BCKDK: variants seen among roughly 807,000 people sequenced by gnomAD.
The protein encoded by BCKDK is branched chain keto acid dehydrogenase kinase.
BCKDK carries 28 observed loss-of-function variants against 43.9 expected under a neutral mutation model. That is an observed-to-expected ratio of 0.64 (90% CI 0.47 to 0.87). The LOEUF (loss-of-function observed/expected upper bound fraction) is 0.87. Among genes scored for constraint, BCKDK ranks in the 40% least tolerant of loss-of-function variants. The pLI, the probability that BCKDK is intolerant of heterozygous loss-of-function variation, is 0.00. For synonymous variants in BCKDK, 257 were observed against 234.3 expected, an observed-to-expected ratio of 1.10 and a Z score of -0.88; for missense variants, 483 against 581.4, an observed-to-expected ratio of 0.83 and a Z score of 1.74.
chr16:31,109,362 T>A lies in BCKDK; in HGVS notation c.139T>A (p.Ser47Thr). ...CCACGTGGAGATGGCTCGGGAGCGC[T>A]CCAAGACCGTCACCTCCTTTTACAA... ...THHVEMARER[S>T]KTVTSFYNQS... is the part of the protein sequence containing the mutation. The change falls in exon 2 of 12, where the codon TCC becomes ACC. Residue 47 changes from serine (S) to threonine (T), a missense_variant. Ser to Thr is a moderately conservative substitution (Grantham distance 58). Transcript: ENST00000219794. The surrounding 1 kb of genome is among the most constrained non-coding windows in gnomAD (Gnocchi z 5.3). 6.2e-7 allele frequency: 1 copy of A among 1,608,140 alleles called. No individual in the cohort carries two copies. Among genetic ancestry groups the A allele is most frequent in the African/African-American group, 1.3e-5 (1 of 74,616 alleles).
downstream of BCKDK, among the ~76,000 whole-genome samples, chr16:31,114,924 TTTTTTC>T (rs2057437944): frequency 6.6e-6 from 1 of 152,112 alleles, no homozygotes; most frequent in Non-Finnish European, 1.5e-5. Flanking sequence ...TTCCTCCCTC[TTTTTTC>T]TTTTTCTTTT....
intron 10 of BCKDK, 122 bp downstream of exon 10, chr16:31,111,511 C>A (rs1358779974): frequency 1.8e-5 from 20 of 1,113,736 alleles, no homozygotes; most frequent in East Asian, 2.5e-5. Flanking sequence ...CCTGACCAGA[C>A]AAACTATTCT....
downstream of BCKDK, among the ~76,000 whole-genome samples, chr16:31,116,474 G>T (rs1300075039): frequency 1.3e-5 from 2 of 151,838 alleles, no homozygotes; most frequent in East Asian, 3.9e-4. Flanking sequence ...TGAGATTACA[G>T]GCGTGAGCCA....
Position 31,109,813 on chromosome 16 carries a change from G to C in BCKDK, c.375+30G>C. ...GGTAGAGAGGACCTTAGGTCAGCGG[G>C]CCACCCTGCCCCGGGGGCAAGTGGG... is the stretch of plus-strand genomic sequence containing the variant. On this transcript the variant is annotated intron_variant, in intron 4 of 11. Coordinates refer to ENST00000219794, the MANE Select transcript of BCKDK (RefSeq NM_005881.4). The surrounding 1 kb of genome is among the most constrained non-coding windows in gnomAD (Gnocchi z 5.3). 3.1e-6 allele frequency: 5 copies of C among 1,606,050 alleles called. No individual in the cohort carries two copies. Among genetic ancestry groups the C allele is most frequent in the Non-Finnish European group, 4.3e-6 (5 of 1,173,410 alleles).
In BCKDK at chr16:31,108,908, G is replaced by A; in HGVS notation, c.-177-139G>A. The A allele has an allele frequency of 4.3e-6, 1 of 234,088 alleles. No homozygotes were observed. Among genetic ancestry groups the A allele is most frequent in the Non-Finnish European group, 8.3e-6 (1 of 120,650 alleles). The allele number at this position is 234,088 out of a possible 1,614,324, so 14.5% of individuals were successfully genotyped here. A position where few individuals can be genotyped will look rare whatever the true frequency, so the allele number is the denominator to read the frequency against. Reference sequence around the variant, plus strand: ...CCGGGAGGCTAGGTCCTTTGGGCGCGGCCTGTGTGCATCTGGGGAGACGGT... The same window carrying A: ...CCGGGAGGCTAGGTCCTTTGGGCGCAGCCTGTGTGCATCTGGGGAGACGGT... On this transcript the variant is annotated intron_variant, in intron 1 of 11. Coordinates refer to ENST00000219794, the MANE Select transcript of BCKDK (RefSeq NM_005881.4). This position sits in a 1 kb window ranked among gnomAD's most constrained non-coding sequence, Gnocchi z 6.2.
chr16:31,112,019 C>G lies in BCKDK; in HGVS notation c.1086C>G (p.Pro362=). 2.5e-6 allele frequency: 4 copies of G among 1,614,082 alleles called. No individual in the cohort carries two copies. Among genetic ancestry groups the G allele is most frequent in the Non-Finnish European group, 3.4e-6 (4 of 1,180,020 alleles). Residue 362 remains proline (P), a synonymous_variant, in exon 11 of 12, where the codon CCC becomes CCG. Transcript: ENST00000219794. The surrounding 1 kb of genome is among the most constrained non-coding windows in gnomAD (Gnocchi z 5.0). ...LDMHSGAQSG[P]MHGFGFGLPT... ...TGCATAGTGGCGCCCAGTCAGGACC[C>G]ATGCACGGGTGAGACCCTGCCAGGC...
In BCKDK at chr16:31,111,366, CAAT is replaced by C; in HGVS notation, c.913_915del (p.Asn305del). 2 of 1,614,166 alleles carry C rather than the reference CAAT, an allele frequency of 1.2e-6. No homozygotes were observed. Among genetic ancestry groups the C allele is most frequent in the Non-Finnish European group, 1.7e-6 (2 of 1,180,012 alleles). ...CAGATGTGGTCATCACCATCGCCAA[CAAT>C]GATGTCGATCTGATCATCAGGTTTG... On this transcript the variant is annotated inframe_deletion, in exon 10 of 12. Coordinates refer to ENST00000219794, the MANE Select transcript of BCKDK (RefSeq NM_005881.4).
rs527456982 is a variant in BCKDK, at chr16:31,110,907, A to G, written c.716+146A>G. On this transcript the variant is annotated intron_variant, in intron 8 of 11. Coordinates refer to ENST00000219794, the MANE Select transcript of BCKDK (RefSeq NM_005881.4). This position sits in a 1 kb window ranked among gnomAD's most constrained non-coding sequence, Gnocchi z 5.4. ...ATTTCCAGCCAGATAATTCTTTGTC[A>G]CAGGGGCTGCCCCGTGCACGTTAGG... The G allele has an allele frequency of 4.4e-6, 6 of 1,358,536 alleles. No homozygotes were observed. The highest frequency in any genetic ancestry group is 3.9e-5 in the South Asian group (3 of 77,008). The allele number at this position is 1,358,536 out of a possible 1,614,324, so 84.2% of individuals were successfully genotyped here. A position where few individuals can be genotyped will look rare whatever the true frequency, so the allele number is the denominator to read the frequency against.
At position 31,112,221 on chromosome 16, in the gene BCKDK, C is replaced by A. The variant is rs761419965; in HGVS notation, c.1195C>A (p.Arg399=). ...LQGIGTDVYL[R]LRHIDGREES... is the part of the protein sequence containing the mutation. ...GGGCATTGGCACGGACGTCTACCTG[C>A]GGCTCCGCCACATCGATGGCCGGGA... The change falls in exon 12 of 12, where the codon CGG becomes AGG. Residue 399 remains arginine (R), a synonymous_variant. Transcript: ENST00000219794. The surrounding 1 kb of genome is among the most constrained non-coding windows in gnomAD (Gnocchi z 5.0). The A allele has an allele frequency of 1.2e-6, 2 of 1,611,706 alleles. No homozygotes were observed. Among genetic ancestry groups the A allele is most frequent in the Admixed American group, 3.3e-5 (2 of 60,028 alleles).
chr16:31,113,485 TTTTA>T (rs895216808), downstream of BCKDK, among the ~76,000 whole-genome samples: 2 of 152,140 alleles, frequency 1.3e-5, no homozygotes, highest in African/African-American at 4.8e-5. Context: ...ATGGGTGAGT[TTTTA>T]TTTATTTAGA....
chr16:31,109,248 AGCGGTCCCGGGG>A lies in BCKDK; in HGVS notation c.30_41del (p.Pro11_Gly14del). 6.5e-7 allele frequency: 1 copy of A among 1,534,946 alleles called. No individual in the cohort carries two copies. The highest frequency in any genetic ancestry group is 1.2e-5 in the South Asian group (1 of 80,110). ...GATGATCCTGGCGTCGGTGCTGAGGAGCGGTCCCGGGGGCGGGCTTCCGCTCCGGCCCCTCCT... is the reference window on the plus strand; with the variant it reads ...GATGATCCTGGCGTCGGTGCTGAGGAGCGGGCTTCCGCTCCGGCCCCTCCT... On this transcript the variant is annotated inframe_deletion, in exon 2 of 12. Coordinates refer to ENST00000219794, the MANE Select transcript of BCKDK (RefSeq NM_005881.4). This position sits in a 1 kb window ranked among gnomAD's most constrained non-coding sequence, Gnocchi z 5.3.
rs967610602 is a variant in BCKDK, at chr16:31,109,871, T to C, written c.375+88T>C. Reference sequence around the variant, plus strand: ...GGGCCCAGAGTGGCAGACGATTGCTTGCCTAAAGGTGTCAGGGCCACACAG... The same window carrying C: ...GGGCCCAGAGTGGCAGACGATTGCTCGCCTAAAGGTGTCAGGGCCACACAG... On this transcript the variant is annotated intron_variant, in intron 4 of 11. Coordinates refer to ENST00000219794, the MANE Select transcript of BCKDK (RefSeq NM_005881.4). This position sits in a 1 kb window ranked among gnomAD's most constrained non-coding sequence, Gnocchi z 5.3. The C allele has an allele frequency of 1.4e-6, 2 of 1,451,058 alleles. No homozygotes were observed. Among genetic ancestry groups the C allele is most frequent in the Non-Finnish European group, 1.9e-6 (2 of 1,039,244 alleles). 89.9% of individuals were successfully genotyped at this position (1,451,058 alleles called of 1,614,324 possible).
Position 31,111,124 on chromosome 16 carries a change from C to G in BCKDK, c.750C>G (p.Pro250=). 6.2e-7 allele frequency: 1 copy of G among 1,614,166 alleles called. No homozygotes were observed. Among genetic ancestry groups the G allele is most frequent in the East Asian group, 2.2e-5 (1 of 44,884 alleles). Residue 250 remains proline (P), a synonymous_variant, in exon 9 of 12, where the codon CCC becomes CCG. Coordinates refer to ENST00000219794, the MANE Select transcript of BCKDK (RefSeq NM_005881.4). ...GTGAGCACAAGTATGGCAATGCGCC[C>G]CGTGTCCGCATCAATGGCCATGTGG... is the stretch of plus-strand genomic sequence containing the variant. ...RLCEHKYGNA[P]RVRINGHVAA... is the part of the protein sequence containing the mutation.
chr16:31,112,634 C>T lies in BCKDK; in HGVS notation c.*369C>T. The T allele has an allele frequency of 2.6e-6, 1 of 389,360 alleles. No homozygotes were observed. The highest frequency in any genetic ancestry group is 6.2e-5 in the East Asian group (1 of 16,216). 24.1% of individuals were successfully genotyped at this position (389,360 alleles called of 1,614,324 possible). A position where few individuals can be genotyped will look rare whatever the true frequency, so the allele number is the denominator to read the frequency against. On this transcript the variant is annotated 3_prime_UTR_variant, in exon 12 of 12. Coordinates refer to ENST00000219794, the MANE Select transcript of BCKDK (RefSeq NM_005881.4). The surrounding 1 kb of genome is among the most constrained non-coding windows in gnomAD (Gnocchi z 5.0). Reference sequence around the variant, plus strand: ...TCTGCCCCCATTCAGGTTCACTGAGCCCTTGGGTTGAACTGGTTCGTGTCC... The same window carrying T: ...TCTGCCCCCATTCAGGTTCACTGAGTCCTTGGGTTGAACTGGTTCGTGTCC...
chr16:31,110,815 G>A lies in BCKDK; in HGVS notation c.716+54G>A, dbSNP rs2057405604. 1 of 1,581,538 alleles carries A rather than the reference G, an allele frequency of 6.3e-7. No homozygotes were observed. Among genetic ancestry groups the A allele is most frequent in the African/African-American group, 1.3e-5 (1 of 74,208 alleles). On this transcript the variant is annotated intron_variant, in intron 8 of 11. Transcript: ENST00000219794. The surrounding 1 kb of genome is among the most constrained non-coding windows in gnomAD (Gnocchi z 5.4). Reference sequence around the variant, plus strand: ...CAGACATCTGGGGCAGGGAAGGCTTGGGTCTGAGCCCTTGCCCGGGGCATG... The same window carrying A: ...CAGACATCTGGGGCAGGGAAGGCTTAGGTCTGAGCCCTTGCCCGGGGCATG...
In BCKDK at chr16:31,112,355, C is replaced by T. The variant is rs1302583064; in HGVS notation, c.*90C>T. 1 of 1,570,850 alleles carries T rather than the reference C, an allele frequency of 6.4e-7. No homozygotes were observed. On this transcript the variant is annotated 3_prime_UTR_variant, in exon 12 of 12. Coordinates refer to ENST00000219794, the MANE Select transcript of BCKDK (RefSeq NM_005881.4). The surrounding 1 kb of genome is among the most constrained non-coding windows in gnomAD (Gnocchi z 5.0). ...TCAGGCAGGGCGGCCCCCTGCTCCA[C>T]ACACTGCTGCATCTTGGGTCTCAGG...
chr16:31,110,614 G>A lies in BCKDK; in HGVS notation c.643-74G>A. On this transcript the variant is annotated intron_variant, in intron 7 of 11. Transcript: ENST00000219794. The surrounding 1 kb of genome is among the most constrained non-coding windows in gnomAD (Gnocchi z 5.4). The stretch of plus-strand genomic sequence containing the variant: ...GAGGCTGTGGGGCTGGTGCTTTGGG[G>A]CAGTTCCGAAGTTGCCAGCATCTTG... 8 of 1,591,088 alleles carry A rather than the reference G, an allele frequency of 5.0e-6. No individual in the cohort carries two copies. Among genetic ancestry groups the A allele is most frequent in the Non-Finnish European group, 6.0e-6 (7 of 1,159,508 alleles).
chr16:31,109,008 A>C lies in BCKDK; in HGVS notation c.-177-39A>C. On this transcript the variant is annotated intron_variant, in intron 1 of 11. Coordinates refer to ENST00000219794, the MANE Select transcript of BCKDK (RefSeq NM_005881.4). The surrounding 1 kb of genome is among the most constrained non-coding windows in gnomAD (Gnocchi z 5.3). ...TGGAGAGATGGTGCGGGTTCTGTGGATTCGGATCCTTACAACTTCCTCTTC... is the reference window on the plus strand; with the variant it reads ...TGGAGAGATGGTGCGGGTTCTGTGGCTTCGGATCCTTACAACTTCCTCTTC... 2.1e-6 allele frequency: 1 copy of C among 484,574 alleles called. No individual in the cohort carries two copies. Among genetic ancestry groups the C allele is most frequent in the East Asian group, 3.3e-5 (1 of 30,710 alleles). 30.0% of individuals were successfully genotyped at this position (484,574 alleles called of 1,614,324 possible). A position where few individuals can be genotyped will look rare whatever the true frequency, so the allele number is the denominator to read the frequency against.
downstream of BCKDK, among the ~76,000 whole-genome samples, chr16:31,113,694 G>T (rs2057430419): frequency 6.6e-6 from 1 of 152,144 alleles, no homozygotes; most frequent in Non-Finnish European, 1.5e-5. Context: ...GGCTGGACTT[G>T]AACTTCTGGG....
Sources: gnomAD v4.1 joint callset for allele counts (sites outside exome capture counted in the v4.1 genomes callset) on GRCh38, gnomAD v4.1.1 for gene constraint, Gnocchi (gnomAD v3.1) non-coding constraint, MANE v1.5 for transcripts, NCBI Gene and HGNC (gene_info 2026-07-23, HGNC 2026-07-21) for gene names.